The following PDLIM7 variants were observed in gnomAD, a reference collection of about 807,000 sequenced individuals.
The protein encoded by PDLIM7 is PDZ and LIM domain protein 7.
A neutral mutation model predicts 53.9 loss-of-function variants in PDLIM7; 37 were observed. The observed-to-expected ratio is 0.69, with a 90% CI of 0.53 to 0.90. The LOEUF is 0.90. Ranked by LOEUF, PDLIM7 falls within the 40% of genes least tolerant of loss-of-function variation. The probability of loss-of-function intolerance (pLI) is 0.00; values close to 1 mark genes in which losing one functional copy is unlikely to be tolerated. For missense variants in PDLIM7, 617 were observed against 638.5 expected (o/e 0.97, Z 0.36); for synonymous variants, 300 against 261.3 (o/e 1.15, Z -1.43).
chr5:177,487,099 A>G (rs1485904990), intron 10 of PDLIM7, among the ~76,000 whole-genome samples: 2 of 151,236 alleles, frequency 1.3e-5, no homozygotes, highest in East Asian at 1.9e-4. Context: ...CACCCAGCTA[A>G]TTTTTTTATT....
chr5:177,483,549 A>G lies in PDLIM7; in HGVS notation c.*95T>C. On this transcript the variant is annotated 3_prime_UTR_variant, in exon 13 of 13. Transcript: ENST00000355841. ...CAGGCTCGGGCCAGGAGCCAGGGTT[A>G]AGGCAACCATTGCCAGCCCTACCCA... is the stretch of plus-strand genomic sequence containing the variant. 3 of 922,346 alleles carry G rather than the reference A, an allele frequency of 3.3e-6. No homozygotes were observed. Among genetic ancestry groups the G allele is most frequent in the East Asian group, 2.6e-5 (1 of 38,636 alleles). The allele number at this position is 922,346 out of a possible 1,614,324, so 57.1% of individuals were successfully genotyped here.
At position 177,491,472 on chromosome 5, in the gene PDLIM7, C is replaced by A. The variant is rs765982121; in HGVS notation, c.399-326G>T. ...AGATAAAGGGACAAAGGGACAGACA[C>A]AGGAGAGGAAGAAAGACGGGGAGGG... On this transcript the variant is annotated intron_variant, in intron 5 of 12. Transcript: ENST00000355841. The A allele has an allele frequency of 1.9e-4, 269 of 1,421,054 alleles. 1 individual carries two copies. The highest frequency in any genetic ancestry group is 9.0e-5 in the Non-Finnish European group (93 of 1,028,020). The allele number at this position is 1,421,054 out of a possible 1,614,324, so 88.0% of individuals were successfully genotyped here.
intron 5 of PDLIM7, chr5:177,491,369 A>G: frequency 6.4e-7 from 1 of 1,551,862 alleles, no homozygotes; most frequent in South Asian, 1.2e-5. Context: ...GCCAAAAGGA[A>G]GAAGAAAGGC....
Position 177,489,813 on chromosome 5 carries a change from C to T in PDLIM7, c.592G>A (p.Ala198Thr), listed in dbSNP as rs748434071. The T allele has an allele frequency of 1.9e-6, 3 of 1,584,532 alleles. No individual in the cohort carries two copies. Among genetic ancestry groups the T allele is most frequent in the East Asian group, 2.3e-5 (1 of 43,718 alleles). The change falls in exon 8 of 13, where the codon GCC (alanine) becomes ACC (threonine). Residue 198 changes from alanine (A) to threonine (T), a missense_variant. Physicochemically the swap from Ala to Thr is moderately conservative, Grantham distance 58 (BLOSUM62 0). Transcript: ENST00000355841. ...GGTGTAGATGAGGCTGGGGCTGGGG[C>T]TTCTGTCCTGGGCACCTGGCTGCAA... ...KKSSQVPRTE[A>T]PAPASSTPQE... is the part of the protein sequence containing the mutation.
At chr5:177,490,163 G>T in intron 7 of PDLIM7, 1 of 1,459,812 alleles carries the variant, frequency 6.9e-7, no homozygotes. Context: ...AGGACGGCAG[G>T]GCCCAAACAG....
At chr5:177,492,887 CTTA>C (rs1362187703) in intron 2 of PDLIM7, 1 of 535,196 alleles carries the variant, frequency 1.9e-6, no homozygotes, top group Admixed American at 3.2e-5. Flanking sequence ...AGTCACACTG[CTTA>C]TTTATTCACT....
intron 7 of PDLIM7, chr5:177,490,222 A>G (rs368290238): frequency 1.4e-6 from 2 of 1,447,636 alleles, no homozygotes; most frequent in East Asian, 5.0e-5. Context: ...CAGGTCCACA[A>G]AGATAGAAGA....
intron 10 of PDLIM7, among the ~76,000 whole-genome samples, chr5:177,485,396 G>C (rs1758388615): frequency 6.6e-6 from 1 of 152,338 alleles, no homozygotes; most frequent in Admixed American, 6.5e-5. Flanking sequence ...CACATCTGGA[G>C]CAGGCAGAGG....
chr5:177,490,720 A>G (rs777743382), intron 7 of PDLIM7, 150 bp downstream of exon 7: 12,941 of 166,360 alleles, frequency 0.078, 344 homozygotes, highest in East Asian at 0.27. Context: ...AAGGGAAGGA[A>G]GGAAGGAAGG....
intron 7 of PDLIM7, 30 bp downstream of exon 7, chr5:177,490,840 T>C (rs764130804): frequency 1.9e-6 from 3 of 1,611,820 alleles, no homozygotes; most frequent in Admixed American, 1.7e-5. Context: ...AGGCAGGAGG[T>C]GGGAGAGGGG....
chr5:177,490,706 G>A (rs1581758855), intron 7 of PDLIM7, 164 bp downstream of exon 7: 1 of 903,042 alleles, frequency 1.1e-6, no homozygotes, highest in African/African-American at 1.8e-5. Context: ...AGGAAGGAAG[G>A]AGGAAGGGAA....
chr5:177,485,572 C>T (rs1206529610), intron 10 of PDLIM7, among the ~76,000 whole-genome samples: 1 of 152,242 alleles, frequency 6.6e-6, no homozygotes, highest in African/African-American at 2.4e-5. Context: ...GATCCCAGAT[C>T]CAATCCCTGC....
rs544442775 is a variant in PDLIM7, at chr5:177,488,506, C to T, written c.870-258G>A. Among the ~76,000 whole-genome samples the T allele has an allele frequency of 7.9e-4, 121 of 152,334 alleles. 2 individuals are homozygous for T. Among genetic ancestry groups the T allele is most frequent in the Admixed American group, 1.4e-3 (21 of 15,306 alleles). ...GGAGGACCCCGGGAGGAAGGGCTGA[C>T]GACTGGAGCCTCATAAAAGCTGAGC... On this transcript the variant is annotated intron_variant, in intron 9 of 12. Coordinates refer to ENST00000355841, the MANE Select transcript of PDLIM7 (RefSeq NM_005451.5).
intron 10 of PDLIM7, among the ~76,000 whole-genome samples, chr5:177,486,463 A>G (rs967288604): frequency 6.6e-6 from 1 of 152,056 alleles, no homozygotes; most frequent in Non-Finnish European, 1.5e-5. Flanking sequence ...TAGATCACAG[A>G]AATAGGTTTT....
In PDLIM7 at chr5:177,489,423, G is replaced by A; in HGVS notation, c.839C>T (p.Pro280Leu). 6.3e-7 allele frequency: 1 copy of A among 1,598,010 alleles called. No individual in the cohort carries two copies. The highest frequency in any genetic ancestry group is 8.5e-7 in the Non-Finnish European group (1 of 1,172,600). ...PGGGSNNGKT[P>L]VCHQCHKVIR... Reference sequence around the variant, plus strand: ...GACCTTGTGGCACTGGTGACACACGGGAGTCTTGCCGTTGTTGCTGCCCCC... The same window carrying A: ...GACCTTGTGGCACTGGTGACACACGAGAGTCTTGCCGTTGTTGCTGCCCCC... Residue 280 changes from proline to leucine, a missense_variant, in exon 9 of 13, where the codon CCC becomes CTC. By Grantham distance (98) the Pro-to-Leu change is moderately conservative. Coordinates refer to ENST00000355841, the MANE Select transcript of PDLIM7 (RefSeq NM_005451.5).
intron 9 of PDLIM7, 117 bp downstream of exon 9, chr5:177,489,276 G>T: frequency 2.5e-6 from 2 of 816,156 alleles, no homozygotes; most frequent in Non-Finnish European, 3.9e-6. Flanking sequence ...TCCTACTCCA[G>T]CTGAGAACTG....
At chr5:177,486,542 A>G (rs536198374) in intron 10 of PDLIM7, among the ~76,000 whole-genome samples, 5 of 152,268 alleles carry the variant, frequency 3.3e-5, no homozygotes, top group African/African-American at 1.2e-4. Flanking sequence ...ACAAGGTCAC[A>G]GTGAAGGAAC....
intron 2 of PDLIM7, among the ~76,000 whole-genome samples, chr5:177,494,197 G>A (rs1331387858): frequency 6.6e-6 from 1 of 152,220 alleles, no homozygotes; most frequent in Non-Finnish European, 1.5e-5. Context: ...ACACAGAGAG[G>A]TTAAACAACT....
chr5:177,490,134 C>A lies in PDLIM7; in HGVS notation c.573-302G>T, dbSNP rs1257081632. On this transcript the variant is annotated intron_variant, in intron 7 of 12. Coordinates refer to ENST00000355841, the MANE Select transcript of PDLIM7 (RefSeq NM_005451.5). ...CAGGGCAGGGCCCCTTTGCCAGGTA[C>A]CCCCTCCCACTGAAAACGAGGACGG... The A allele has an allele frequency of 3.4e-6, 5 of 1,489,122 alleles. No individual in the cohort carries two copies. In the South Asian group the frequency reaches 3.7e-5, roughly 11 times the overall value. 92.2% of individuals were successfully genotyped at this position (1,489,122 alleles called of 1,614,324 possible).
Sources: gnomAD v4.1 joint callset for allele counts (sites outside exome capture counted in the v4.1 genomes callset) on GRCh38, gnomAD v4.1.1 for gene constraint, MANE v1.5 for transcripts, NCBI Gene and HGNC (gene_info 2026-07-23, HGNC 2026-07-21) for gene names.